TBL1XR1: variants seen among roughly 807,000 people sequenced by gnomAD.
The protein encoded by TBL1XR1 is TBL1X/Y related 1.
In TBL1XR1, 5 loss-of-function variants were observed where a neutral mutation model predicts 66.9. The ratio of observed to expected loss-of-function variants is 0.07; its 90% CI spans 0.04 to 0.16. The LOEUF (loss-of-function observed/expected upper bound fraction) is 0.16. TBL1XR1 is among the 10% of genes least tolerant of loss of function. The pLI, the probability that TBL1XR1 is intolerant of heterozygous loss-of-function variation, is 1.00. For missense variants in TBL1XR1, 238 were observed against 623.2 expected (o/e 0.38, Z 6.58); for synonymous variants, 210 against 206.0 (o/e 1.02, Z -0.17).
intron 5 of TBL1XR1, among the ~76,000 whole-genome samples, chr3:177,051,090 G>T (rs150673018): frequency 6.6e-6 from 1 of 152,126 alleles, no homozygotes; most frequent in Non-Finnish European, 1.5e-5. Flanking sequence ...AATGGGAAAA[G>T]GGTTTCTAGA....
rs145909862 is a variant in TBL1XR1, at chr3:177,121,001, C to T, written c.-121-22460G>A. Among the ~76,000 whole-genome samples the T allele has an allele frequency of 2.3e-3, 353 of 152,292 alleles. 1 individual carries two copies. The highest frequency in any genetic ancestry group is 7.9e-3 in the African/African-American group (328 of 41,560). ...AGAGCTGAGATTTAAAGCTGTGTCA[C>T]TAATCCAAAGTCTACATTCTTTAAA... On this transcript the variant is annotated intron_variant, in intron 1 of 15. Transcript: ENST00000457928.
At chr3:177,167,662 G>A (rs1452368092) in intron 1 of TBL1XR1, among the ~76,000 whole-genome samples, 1 of 152,196 alleles carries the variant, frequency 6.6e-6, no homozygotes, top group Non-Finnish European at 1.5e-5. Context: ...TGGGCGCAGT[G>A]GTTCATGCCT....
intron 2 of TBL1XR1, among the ~76,000 whole-genome samples, chr3:177,068,685 C>G (rs565396351): frequency 6.6e-6 from 1 of 152,264 alleles, no homozygotes; most frequent in South Asian, 2.1e-4. Flanking sequence ...TTAAATGTCA[C>G]CCTCAATCAA....
rs899883804 is a variant in TBL1XR1, at chr3:177,021,263, T to G, written c.*4235A>C. 1 of 152,574 alleles carries G rather than the reference T, an allele frequency of 6.6e-6. No individual in the cohort carries two copies. Among genetic ancestry groups the G allele is most frequent in the Admixed American group, 6.5e-5 (1 of 15,268 alleles). 9.5% of individuals were successfully genotyped at this position (152,574 alleles called of 1,614,324 possible). A position where few individuals can be genotyped will look rare whatever the true frequency, so the allele number is the denominator to read the frequency against. ...CAGAGCTACAAATGCAGTCTGTGTG[T>G]TTTTGTTTGTAATGAGATGGATAAG... On this transcript the variant is annotated 3_prime_UTR_variant, in exon 16 of 16. Transcript: ENST00000457928.
intron 10 of TBL1XR1, among the ~76,000 whole-genome samples, chr3:177,040,258 T>C (rs1187521996): frequency 2.0e-5 from 3 of 152,200 alleles, no homozygotes; most frequent in East Asian, 3.8e-4. Flanking sequence ...GAGGCTGCAG[T>C]GAGCCGTGAT....
At chr3:177,135,338 C>CAT (rs1177634107) in intron 1 of TBL1XR1, among the ~76,000 whole-genome samples, 925 of 22,166 alleles carry the variant, frequency 0.042, 12 homozygotes, top group Non-Finnish European at 0.054. Context: ...TGTGTGTATA[C>CAT]ATATATATAT....
chr3:177,058,935 G>A (rs1455618276), intron 3 of TBL1XR1, among the ~76,000 whole-genome samples: 1 of 152,144 alleles, frequency 6.6e-6, no homozygotes, highest in Non-Finnish European at 1.5e-5. Context: ...GAAAAAAAAA[G>A]AATTGTAATT....
chr3:177,063,637 CT>C (rs1718790535), intron 3 of TBL1XR1, among the ~76,000 whole-genome samples: 2 of 152,224 alleles, frequency 1.3e-5, no homozygotes, highest in South Asian at 4.1e-4. Flanking sequence ...CTAGTCACTA[CT>C]TTTTCACTTT....
At chr3:177,169,378 TCA>T (rs1177750890) in intron 1 of TBL1XR1, among the ~76,000 whole-genome samples, 3 of 152,208 alleles carry the variant, frequency 2.0e-5, no homozygotes, top group African/African-American at 7.2e-5. Flanking sequence ...ATGTTAAGAT[TCA>T]CAGTTATAAA....
chr3:177,104,177 TAGAA>T (rs768357316), intron 1 of TBL1XR1, among the ~76,000 whole-genome samples: 5 of 150,446 alleles, frequency 3.3e-5, no homozygotes, highest in African/African-American at 4.9e-5. Context: ...TGACCCTGCT[TAGAA>T]AGATTTTTAT....
chr3:177,198,927 T>C (rs571047254), upstream of TBL1XR1, among the ~76,000 whole-genome samples: 3 of 151,352 alleles, frequency 2.0e-5, no homozygotes, highest in Non-Finnish European at 4.4e-5. Context: ...CTTGCACCAG[T>C]CTGGACTCCT....
At chr3:177,168,871 T>C (rs1292035091) in intron 1 of TBL1XR1, among the ~76,000 whole-genome samples, 3 of 152,242 alleles carry the variant, frequency 2.0e-5, no homozygotes, top group Admixed American at 6.5e-5. Flanking sequence ...AGCCATTTTA[T>C]GGTTTTCCAT....
intron 1 of TBL1XR1, among the ~76,000 whole-genome samples, chr3:177,187,667 CAAAA>C (rs1444374714): frequency 6.6e-6 from 1 of 152,048 alleles, no homozygotes; most frequent in Non-Finnish European, 1.5e-5. Flanking sequence ...AGCATCCACT[CAAAA>C]ACTGAGTCAC....
intron 1 of TBL1XR1, among the ~76,000 whole-genome samples, chr3:177,193,090 T>G (rs191864585): frequency 1.3e-5 from 2 of 150,728 alleles, no homozygotes; most frequent in Non-Finnish European, 3.0e-5. Flanking sequence ...GAGGCGGAGG[T>G]TGCAGTGAGC....
intron 10 of TBL1XR1, among the ~76,000 whole-genome samples, chr3:177,042,952 A>T (rs1715803362): frequency 6.6e-6 from 1 of 152,090 alleles, no homozygotes; most frequent in Non-Finnish European, 1.5e-5. Flanking sequence ...TTCACATACC[A>T]ATTCACCTGT....
chr3:177,082,738 T>TTATATATATATATATATATATA (rs374510003), intron 2 of TBL1XR1, among the ~76,000 whole-genome samples: 1,309 of 63,038 alleles, frequency 0.021, 131 homozygotes, highest in Non-Finnish European at 0.025. Flanking sequence ...AAGATAGAGA[T>TTATATATATATATATATATATA]TATATATATA....
intron 1 of TBL1XR1, among the ~76,000 whole-genome samples, chr3:177,124,852 T>C (rs1390221445): frequency 1.3e-5 from 2 of 151,956 alleles, no homozygotes; most frequent in Non-Finnish European, 2.9e-5. Context: ...TGACAAATGG[T>C]GTTACGACAA....
At chr3:177,148,559 C>T (rs540534184) in intron 1 of TBL1XR1, among the ~76,000 whole-genome samples, 22 of 151,764 alleles carry the variant, frequency 1.4e-4, no homozygotes, top group Non-Finnish European at 2.8e-4. Flanking sequence ...ACTAAAAATA[C>T]AAAAAATTAG....
intron 1 of TBL1XR1, among the ~76,000 whole-genome samples, chr3:177,172,633 A>AGAGAGAGAG (rs150226417): frequency 2.6e-5 from 3 of 117,550 alleles, no homozygotes; most frequent in Non-Finnish European, 3.4e-5. Context: ...AGAAAGAGAG[A>AGAGAGAGAG]AGAGAGAGAG....
Sources: allele counts gnomAD v4.1 joint callset (sites outside exome capture counted in the v4.1 genomes callset), GRCh38; gene constraint gnomAD v4.1.1; transcripts MANE v1.5; gene names NCBI Gene and HGNC (gene_info 2026-07-23, HGNC 2026-07-21).